Variants in SMARCA1 observed in about 807,000 individuals in gnomAD.
The protein encoded by SMARCA1 is SNF2 related chromatin remodeling ATPase 1.
In SMARCA1, 17 loss-of-function variants were observed where a neutral mutation model predicts 93.6. That is an observed-to-expected ratio of 0.18 (90% confidence interval 0.12 to 0.27). The LOEUF is 0.27. SMARCA1 is among the 10% of genes least tolerant of loss of function. The probability of loss-of-function intolerance (pLI) is 1.00; values close to 1 mark genes in which losing one functional copy is unlikely to be tolerated. For missense variants in SMARCA1, 630 were observed against 819.0 expected, an observed-to-expected ratio of 0.77 and a Z score of 2.82; for synonymous variants, 271 against 271.4, an observed-to-expected ratio of 1.00 and a Z score of 0.01.
chrX:129,506,278 A>C (rs915327674), intron 7 of SMARCA1, 67 bp from the exon 8 acceptor site: 11 of 796,714 alleles, frequency 1.4e-5, no homozygotes, highest in African/African-American at 2.1e-5. Context: ...GTTATACTGT[A>C]ATTTATCCAA....
At chrX:129,481,289 C>G (rs1907330994) in intron 17 of SMARCA1, 104 bp from the exon 18 acceptor site, 1 of 499,462 alleles carries the variant, frequency 2.0e-6, no homozygotes, top group African/African-American at 2.5e-5. Context: ...CAAAAGCCAT[C>G]AGGAAGAATC....
chrX:129,523,058 C>A (rs1935467603), intron 1 of SMARCA1, 139 bp downstream of exon 1: 1 of 682,925 alleles, frequency 1.5e-6, no homozygotes, highest in African/African-American at 2.3e-5. Flanking sequence ...GCGGTTCCGC[C>A]GCCGACCCCC....
intron 16 of SMARCA1, among the ~76,000 whole-genome samples, chrX:129,487,532 C>T (rs1386001219): frequency 8.9e-6 from 1 of 112,340 alleles, no homozygotes; most frequent in East Asian, 2.8e-4. Context: ...CAGGTTATTA[C>T]CTGAACTACA....
At chrX:129,486,425 T>G (rs1383327547) in intron 17 of SMARCA1, among the ~76,000 whole-genome samples, 1 of 111,672 alleles carries the variant, frequency 9.0e-6, no homozygotes, top group African/African-American at 3.3e-5. Context: ...AATCTCAGCC[T>G]TAATTTCAGT....
At chrX:129,454,869 G>A (rs1932520595) in intron 23 of SMARCA1, among the ~76,000 whole-genome samples, 1 of 111,573 alleles carries the variant, frequency 9.0e-6, no homozygotes, top group Non-Finnish European at 1.9e-5. Flanking sequence ...CATCATCACT[G>A]GTCATTACAG....
At chrX:129,464,474 T>TAC (rs1256131191) in intron 23 of SMARCA1, among the ~76,000 whole-genome samples, 1 of 112,613 alleles carries the variant, frequency 8.9e-6, no homozygotes, top group Non-Finnish European at 1.9e-5. Context: ...ACATTAAAAA[T>TAC]GTGTTGCATG....
intron 17 of SMARCA1, among the ~76,000 whole-genome samples, chrX:129,484,725 G>A (rs1025213571): frequency 1.8e-5 from 2 of 110,324 alleles, no homozygotes; most frequent in Non-Finnish European, 3.8e-5. Context: ...GGGGAGAAGG[G>A]GTAGATCTTC....
intron 23 of SMARCA1, among the ~76,000 whole-genome samples, chrX:129,463,659 T>C (rs1026665212): frequency 8.9e-6 from 1 of 112,026 alleles, no homozygotes; most frequent in Non-Finnish European, 1.9e-5. Context: ...TCATGTTTGC[T>C]GGGCGCGGTG....
At chrX:129,505,931 C>T (rs1934790917) in intron 8 of SMARCA1, 149 bp downstream of exon 8, 1 of 453,714 alleles carries the variant, frequency 2.2e-6, no homozygotes, top group Non-Finnish European at 3.9e-6. Context: ...TTTTAAAACT[C>T]TATTAAAGAA....
intron 19 of SMARCA1, among the ~76,000 whole-genome samples, chrX:129,475,975 G>T (rs1933364009): frequency 8.9e-6 from 1 of 112,396 alleles, no homozygotes; most frequent in African/African-American, 3.2e-5. Context: ...TGTCCCTAAA[G>T]AATTTTTTAT....
chrX:129,498,028 A>T lies in SMARCA1; in HGVS notation c.1321T>A (p.Ser441Thr). 1 of 1,202,975 alleles carries T rather than the reference A, an allele frequency of 8.3e-7. No homozygotes were observed. Among genetic ancestry groups the T allele is most frequent in the Non-Finnish European group, 1.1e-6 (1 of 887,471 alleles). ...AGTCGCATCTTGTCCATCTTGCCAG[A>T]AGAGTTTAAAACATCAATATCTTTC... ...LMKDIDVLNS[S>T]GKMDKMRLLN... The change falls in exon 11 of 25, where the codon TCT becomes ACT. Residue 441 changes from serine (S) to threonine (T), a missense_variant. Ser to Thr is a moderately conservative substitution (Grantham distance 58). Coordinates refer to ENST00000371121, the MANE Select transcript of SMARCA1 (RefSeq NM_001282874.2).
intron 20 of SMARCA1, among the ~76,000 whole-genome samples, chrX:129,469,450 C>G (rs1430867835): frequency 8.9e-6 from 1 of 111,990 alleles, no homozygotes; most frequent in East Asian, 2.8e-4. Context: ...ATTGGAGCCA[C>G]TCAATTTCTT....
At chrX:129,452,415 A>G (rs899443385) in intron 23 of SMARCA1, among the ~76,000 whole-genome samples, 1 of 112,719 alleles carries the variant, frequency 8.9e-6, no homozygotes, top group Non-Finnish European at 1.9e-5. Context: ...AATAAAGACA[A>G]CAGAAGAGAA....
At chrX:129,471,145 A>G in intron 20 of SMARCA1, 59 bp downstream of exon 20, 1 of 985,481 alleles carries the variant, frequency 1.0e-6, no homozygotes, top group Admixed American at 2.8e-5. Flanking sequence ...AGTGTGATCT[A>G]TATTTTCTTT....
Position 129,516,249 on chromosome X carries a change from G to T in SMARCA1, c.428+82C>A. ...ATACTGAACAATGAAGAGCGAAGGGGTGCATGAAGGGATCAAGGGAGGACA... is the reference window on the plus strand; with the variant it reads ...ATACTGAACAATGAAGAGCGAAGGGTTGCATGAAGGGATCAAGGGAGGACA... On this transcript the variant is annotated intron_variant, in intron 3 of 24. Coordinates refer to ENST00000371121, the MANE Select transcript of SMARCA1 (RefSeq NM_001282874.2). 4.6e-6 allele frequency: 4 copies of T among 878,278 alleles called. No homozygotes were observed. The South Asian group carries it at 9.6e-5, about 21-fold the overall frequency. The allele number at this position is 878,278 out of a possible 1,213,427, so 72.4% of individuals were successfully genotyped here.
rs1387124552 is a variant in SMARCA1 at position 129,497,874 on chromosome X, T to C, written c.1475A>G (p.Asp492Gly). 8.3e-7 allele frequency: 1 copy of C among 1,206,682 alleles called. No homozygotes were observed. The highest frequency in any genetic ancestry group is 1.1e-6 in the Non-Finnish European group (1 of 890,772). Residue 492 changes from aspartate (D) to glycine (G), a missense_variant, in exon 11 of 25, where the codon GAT becomes GGT. By Grantham distance (94) the Asp-to-Gly change is moderately conservative. Transcript: ENST00000371121. ...TTCTTTGAGTTTGGCCAATAGTTTA[T>C]CCAGAACTACCATTTTACCACTGTT... ...VSNSGKMVVL[D>G]KLLAKLKEQG...
At chrX:129,451,994 C>T (rs1305472310) in intron 23 of SMARCA1, among the ~76,000 whole-genome samples, 1 of 112,091 alleles carries the variant, frequency 8.9e-6, no homozygotes, top group Non-Finnish European at 1.9e-5. Context: ...TGAGCCACCA[C>T]GCCCAGCCTC....
intron 15 of SMARCA1, 115 bp downstream of exon 15, chrX:129,489,945 A>C (rs764314643): frequency 2.0e-6 from 1 of 488,108 alleles, no homozygotes; most frequent in African/African-American, 2.4e-5. Context: ...GTGATGTTTC[A>C]ATTTTTCCTC....
At chrX:129,462,906 T>A (rs1932830635) in intron 23 of SMARCA1, among the ~76,000 whole-genome samples, 1 of 108,148 alleles carries the variant, frequency 9.2e-6, no homozygotes, top group Admixed American at 9.8e-5. Context: ...TACAAGGGAG[T>A]TCAGAGACAT....
Sources: allele counts gnomAD v4.1 joint callset (sites outside exome capture counted in the v4.1 genomes callset), GRCh38; gene constraint gnomAD v4.1.1; transcripts MANE v1.5; gene names NCBI Gene and HGNC (gene_info 2026-07-23, HGNC 2026-07-21).